CNTNAP5: variants seen among roughly 807,000 people sequenced by gnomAD.
CNTNAP5 encodes the protein contactin associated protein family member 5.
A neutral mutation model predicts 150.2 loss-of-function variants in CNTNAP5; 72 were observed. The observed-to-expected ratio is 0.48, with a 90% confidence interval of 0.40 to 0.58. The LOEUF (loss-of-function observed/expected upper bound fraction) is 0.58, where lower values mean the gene tolerates loss of function less well. Ranked by LOEUF, CNTNAP5 falls within the 20% of genes least tolerant of loss-of-function variation. The probability of loss-of-function intolerance (pLI) is 0.00; values close to 1 mark genes in which losing one functional copy is unlikely to be tolerated. For synonymous variants in CNTNAP5, 672 were observed against 619.8 expected (o/e 1.08, Z -1.25); for missense variants, 1,636 against 1,626.2 (o/e 1.01, Z -0.10).
chr2:124,485,304 CAGACCTCTTCA>C (rs1281935450), intron 7 of CNTNAP5, among the ~76,000 whole-genome samples: 1 of 152,106 alleles, frequency 6.6e-6, no homozygotes, highest in Non-Finnish European at 1.5e-5. Flanking sequence ...GGCTGAGATT[CAGACCTCTTCA>C]AGTAGGTGCA....
intron 1 of CNTNAP5, among the ~76,000 whole-genome samples, chr2:124,026,932 C>A (rs1317230305): frequency 6.6e-6 from 1 of 152,174 alleles, no homozygotes; most frequent in Admixed American, 6.5e-5. Context: ...GACAATTGGA[C>A]AAATGTGGTG....
At chr2:124,227,936 G>A (rs894920631) in intron 2 of CNTNAP5, among the ~76,000 whole-genome samples, 9 of 150,898 alleles carry the variant, frequency 6.0e-5, no homozygotes, top group Non-Finnish European at 8.9e-5. Context: ...ATATATACAC[G>A]CACACACACA....
rs140050010 is a variant in CNTNAP5 at position 124,679,333 on chromosome 2, C to T, written c.2077+31375C>T. On this transcript the variant is annotated intron_variant, in intron 13 of 23. Coordinates refer to ENST00000682447, the MANE Select transcript of CNTNAP5 (RefSeq NM_001367498.1). ...TATTAATAGGAGGATCTGGCTATGC[C>T]TCCTCATTTTCATTGCATTGAAAGT... Among the ~76,000 whole-genome samples, 327 of 151,896 alleles carry T rather than the reference C, an allele frequency of 2.2e-3. 3 individuals are homozygous for T. Among genetic ancestry groups the T allele is most frequent in the African/African-American group, 7.6e-3 (315 of 41,532 alleles).
chr2:124,791,250 A>T (rs1681722171), intron 18 of CNTNAP5, among the ~76,000 whole-genome samples: 1 of 152,214 alleles, frequency 6.6e-6, no homozygotes, highest in African/African-American at 2.4e-5. Context: ...CCGTTCATTC[A>T]TACAGGGGCC....
chr2:124,718,116 CTGTT>C (rs1203342039), intron 13 of CNTNAP5, among the ~76,000 whole-genome samples: 4 of 152,180 alleles, frequency 2.6e-5, no homozygotes, highest in South Asian at 4.1e-4. Flanking sequence ...AAGAGGATGA[CTGTT>C]TGATTGATTT....
intron 6 of CNTNAP5, among the ~76,000 whole-genome samples, chr2:124,465,954 A>G (rs1296663803): frequency 2.0e-5 from 3 of 152,220 alleles, no homozygotes; most frequent in South Asian, 4.1e-4. Flanking sequence ...GGCATCATTG[A>G]GATGGTGCCA....
intron 10 of CNTNAP5, among the ~76,000 whole-genome samples, chr2:124,538,636 TAAGA>T (rs890117052): frequency 8.0e-5 from 8 of 100,414 alleles, no homozygotes; most frequent in South Asian, 3.2e-4. Context: ...AATGAAAGAA[TAAGA>T]AAGAAAGGAA....
chr2:124,789,017 G>T (rs1452690389), intron 17 of CNTNAP5, among the ~76,000 whole-genome samples: 2 of 152,146 alleles, frequency 1.3e-5, no homozygotes, highest in African/African-American at 4.8e-5. Context: ...TGAGGCTTAG[G>T]TAATTCCATG....
chr2:124,882,641 A>C (rs753701269), intron 21 of CNTNAP5, among the ~76,000 whole-genome samples: 13 of 152,124 alleles, frequency 8.5e-5, no homozygotes, highest in Non-Finnish European at 1.3e-4. Flanking sequence ...GCAAATATGC[A>C]CATTTCAGAT....
intron 18 of CNTNAP5, among the ~76,000 whole-genome samples, chr2:124,794,311 T>C (rs1181240367): frequency 6.6e-6 from 1 of 152,224 alleles, no homozygotes; most frequent in African/African-American, 2.4e-5. Flanking sequence ...GATTCCGTGG[T>C]TTCCTCATCT....
chr2:124,411,844 C>T (rs1691774129), intron 3 of CNTNAP5, among the ~76,000 whole-genome samples: 1 of 80,864 alleles, frequency 1.2e-5, no homozygotes, highest in Non-Finnish European at 2.6e-5. Flanking sequence ...TCTCTCACCA[C>T]TCCTATTCAA....
chr2:124,333,508 A>T (rs1458681989), intron 3 of CNTNAP5, among the ~76,000 whole-genome samples: 1 of 152,178 alleles, frequency 6.6e-6, no homozygotes, highest in Non-Finnish European at 1.5e-5. Context: ...ACAAAGAGGA[A>T]GATTTAAAAT....
intron 6 of CNTNAP5, among the ~76,000 whole-genome samples, chr2:124,450,038 G>A (rs1399101261): frequency 6.7e-6 from 1 of 149,254 alleles, no homozygotes; most frequent in East Asian, 2.0e-4. Flanking sequence ...AGCTAAACAG[G>A]ATATGTAAAT....
At chr2:124,511,465 C>G (rs1330622288) in intron 8 of CNTNAP5, among the ~76,000 whole-genome samples, 2 of 152,212 alleles carry the variant, frequency 1.3e-5, no homozygotes, top group African/African-American at 4.8e-5. Flanking sequence ...AGCTTGAACT[C>G]AGGCTTCAGT....
intron 13 of CNTNAP5, among the ~76,000 whole-genome samples, chr2:124,656,674 C>G (rs999734966): frequency 1.3e-5 from 2 of 152,162 alleles, no homozygotes; most frequent in African/African-American, 4.8e-5. Context: ...AATTGAGTTG[C>G]TGTTCAGACC....
At chr2:124,057,872 C>T (rs999878447) in intron 1 of CNTNAP5, among the ~76,000 whole-genome samples, 2 of 151,844 alleles carry the variant, frequency 1.3e-5, no homozygotes, top group Non-Finnish European at 2.9e-5. Context: ...GGGCGGATAC[C>T]CCATTACCCC....
intron 19 of CNTNAP5, among the ~76,000 whole-genome samples, chr2:124,799,555 C>T (rs1162164341): frequency 1.3e-5 from 2 of 152,234 alleles, no homozygotes; most frequent in Admixed American, 1.3e-4. Flanking sequence ...TGAGTTTCTG[C>T]ACGGACAGTG....
chr2:124,327,020 G>A (rs1321867710), intron 3 of CNTNAP5, among the ~76,000 whole-genome samples: 19 of 124,598 alleles, frequency 1.5e-4, no homozygotes, highest in East Asian at 2.4e-4. Context: ...TCACTCTGTC[G>A]CCCAGGCTGC....
At chr2:124,224,336 T>C (rs1418116401) in intron 2 of CNTNAP5, among the ~76,000 whole-genome samples, 2 of 152,120 alleles carry the variant, frequency 1.3e-5, no homozygotes, top group Non-Finnish European at 2.9e-5. Flanking sequence ...AGAGCTGACA[T>C]GGATAATACC....
Sources: gnomAD v4.1 joint callset for allele counts (sites outside exome capture counted in the v4.1 genomes callset) on GRCh38, gnomAD v4.1.1 for gene constraint, MANE v1.5 for transcripts, NCBI Gene and HGNC (gene_info 2026-07-23, HGNC 2026-07-21) for gene names.